Variants in PFDN4 observed in about 807,000 individuals in gnomAD.
PFDN4 encodes the protein prefoldin 4.
Under a neutral mutation model 17.6 loss-of-function variants are expected in PFDN4, and 6 were observed. The observed-to-expected ratio is 0.34, with a 90% CI of 0.19 to 0.67. The LOEUF (loss-of-function observed/expected upper bound fraction) is 0.67, where lower values mean the gene tolerates loss of function less well. PFDN4 is among the 30% of genes least tolerant of loss of function. PFDN4 has a pLI of 0.68. For synonymous variants in PFDN4, 48 were observed against 51.1 expected (o/e 0.94, Z 0.26); for missense variants, 119 against 158.4 (o/e 0.75, Z 1.33).
intron 1 of PFDN4, among the ~76,000 whole-genome samples, chr20:54,213,034 C>T (rs1339102316): frequency 2.0e-5 from 3 of 152,204 alleles, no homozygotes; most frequent in Admixed American, 2.0e-4. Context: ...TATATTCCGA[C>T]CACTGAGCTC....
intron 1 of PFDN4, among the ~76,000 whole-genome samples, chr20:54,212,265 A>G (rs569899534): frequency 5.3e-5 from 8 of 152,252 alleles, no homozygotes; most frequent in Non-Finnish European, 1.2e-4. Flanking sequence ...GTTCTAGGAC[A>G]GTGAGACTAA....
chr20:54,217,911 C>A (rs967583234), intron 3 of PFDN4, among the ~76,000 whole-genome samples: 1 of 152,104 alleles, frequency 6.6e-6, no homozygotes. Context: ...CTGGGCCCGA[C>A]CCAAAGACGA....
At chr20:54,212,450 T>G (rs574502572) in intron 1 of PFDN4, among the ~76,000 whole-genome samples, 8 of 152,324 alleles carry the variant, frequency 5.3e-5, no homozygotes, top group Admixed American at 4.6e-4. Flanking sequence ...TGCTGATGCC[T>G]GTGGTTTGGT....
Position 54,219,220 on chromosome 20 carries a change from T to C in PFDN4, c.*70T>C. 1 of 990,624 alleles carries C rather than the reference T, an allele frequency of 1.0e-6. No individual in the cohort carries two copies. The highest frequency in any genetic ancestry group is 1.4e-6 in the Non-Finnish European group (1 of 708,568). 61.4% of individuals were successfully genotyped at this position (990,624 alleles called of 1,614,324 possible). On this transcript the variant is annotated 3_prime_UTR_variant, in exon 4 of 4. Coordinates refer to ENST00000371419, the MANE Select transcript of PFDN4 (RefSeq NM_002623.4). ...TGTTTAAAATGATAATTTTCCTTCT[T>C]CAAATGACATGGAAAGCAAAACTTT...
intron 1 of PFDN4, among the ~76,000 whole-genome samples, 187 bp from the exon 2 acceptor site, chr20:54,214,164 G>C (rs2092759580): frequency 6.6e-6 from 1 of 152,162 alleles, no homozygotes; most frequent in Admixed American, 6.5e-5. Flanking sequence ...ATCAGAAAAG[G>C]TTATAGATTT....
At position 54,219,358 on chromosome 20, in the gene PFDN4, G is replaced by A. The variant is rs554914707; in HGVS notation, c.*208G>A. The A allele has an allele frequency of 3.4e-5, 14 of 415,122 alleles. No individual in the cohort carries two copies. The highest frequency in any genetic ancestry group is 2.7e-4 in the African/African-American group (13 of 48,468). The allele number at this position is 415,122 out of a possible 1,614,324, so 25.7% of individuals were successfully genotyped here. On this transcript the variant is annotated 3_prime_UTR_variant, in exon 4 of 4. Coordinates refer to ENST00000371419, the MANE Select transcript of PFDN4 (RefSeq NM_002623.4). ...TATTCACCTATGTATTTTGCATAAC[G>A]ATTATATCAAGTCTAGGGGCTTCAT... is the stretch of plus-strand genomic sequence containing the variant.
rs750207135 is a variant in PFDN4 at position 54,208,131 on chromosome 20, G to T, written c.24+7G>T. ...GGCCACCATGAAGAAGGCGGTGAGT[G>T]GGGAGCTCGGGGCTCTGGATGCTCG... On this transcript the variant is annotated splice_region_variant and intron_variant, in intron 1 of 3. Transcript: ENST00000371419. 6.4e-6 allele frequency: 10 copies of T among 1,553,410 alleles called. No individual in the cohort carries two copies. The highest frequency in any genetic ancestry group is 5.5e-5 in the African/African-American group (4 of 72,408).
intron 1 of PFDN4, among the ~76,000 whole-genome samples, chr20:54,213,846 T>C (rs761115087): frequency 2.6e-5 from 4 of 152,104 alleles, no homozygotes; most frequent in Non-Finnish European, 5.9e-5. Context: ...TTTAAACAGG[T>C]CCTACATTAT....
chr20:54,208,181 G>A, intron 1 of PFDN4, 57 bp downstream of exon 1: 4 of 1,467,624 alleles, frequency 2.7e-6, no homozygotes, highest in Non-Finnish European at 3.6e-6. Context: ...TCGGCCGCTG[G>A]GGCCCGGGCG....
rs2146544862 is a variant in PFDN4, at chr20:54,219,689, G to T, written c.*539G>T. The T allele has an allele frequency of 2.5e-6, 1 of 398,000 alleles. No individual in the cohort carries two copies. Among genetic ancestry groups the T allele is most frequent in the South Asian group, 1.3e-4 (1 of 7,844 alleles). 24.7% of individuals were successfully genotyped at this position (398,000 alleles called of 1,614,324 possible). ...ATTTTTTACATATCTATCAATATCA[G>T]AGATTTGGGTAAAAGAATGGGTAAT... On this transcript the variant is annotated 3_prime_UTR_variant, in exon 4 of 4. Transcript: ENST00000371419.
intron 1 of PFDN4, chr20:54,208,403 G>A (rs555526037): frequency 2.2e-5 from 9 of 411,154 alleles, no homozygotes; most frequent in East Asian, 1.2e-4. Flanking sequence ...GGTGCCCCCG[G>A]GGAGTCTGAG....
intron 1 of PFDN4, among the ~76,000 whole-genome samples, chr20:54,210,545 T>C (rs567252373): frequency 1.3e-5 from 2 of 152,358 alleles, no homozygotes; most frequent in East Asian, 3.9e-4. Flanking sequence ...TTAGATGAGA[T>C]GATTCAGTCC....
chr20:54,212,215 C>T (rs1435807748), intron 1 of PFDN4, among the ~76,000 whole-genome samples: 1 of 151,910 alleles, frequency 6.6e-6, no homozygotes, highest in African/African-American at 2.4e-5. Context: ...AAAAAATTAC[C>T]CACTTCTTGC....
intron 3 of PFDN4, 97 bp from the exon 4 acceptor site, chr20:54,218,922 G>A (rs773776403): frequency 7.8e-6 from 6 of 766,136 alleles, no homozygotes; most frequent in Non-Finnish European, 1.2e-5. Flanking sequence ...AGTTTAGAAG[G>A]TTCTTGACCT....
rs1156492251 is a variant in PFDN4 at position 54,215,366 on chromosome 20, A to G, written c.199A>G (p.Ile67Val). 1 of 1,605,756 alleles carries G rather than the reference A, an allele frequency of 6.2e-7. No homozygotes were observed. The highest frequency in any genetic ancestry group is 8.5e-7 in the Non-Finnish European group (1 of 1,174,130). The change falls in exon 3 of 4, where the codon ATA becomes GTA. Residue 67 changes from isoleucine to valine, a missense_variant. Physicochemically the swap from Ile to Val is conservative, Grantham distance 29. Transcript: ENST00000371419. ...GCTTGCAGATGATGATTGCTTAATG[A>G]TACCTTATCAAATTGGTGATGTCTT... ...IMLADDDCLM[I>V]PYQIGDVFIS...
chr20:54,208,151 T>G, intron 1 of PFDN4, 27 bp downstream of exon 1: 1 of 1,532,664 alleles, frequency 6.5e-7, no homozygotes, highest in Non-Finnish European at 8.8e-7. Flanking sequence ...GGGCTCTGGA[T>G]GCTCGGGCGG....
At chr20:54,215,820 G>T (rs891077025) in intron 3 of PFDN4, among the ~76,000 whole-genome samples, 1 of 152,196 alleles carries the variant, frequency 6.6e-6, no homozygotes, top group Non-Finnish European at 1.5e-5. Flanking sequence ...ACATTTTCCT[G>T]TATTTCTTTT....
At chr20:54,212,508 G>A (rs2092757336) in intron 1 of PFDN4, among the ~76,000 whole-genome samples, 1 of 152,192 alleles carries the variant, frequency 6.6e-6, no homozygotes, top group South Asian at 2.1e-4. Context: ...AAAGCAGATA[G>A]CCAAATTCTC....
intron 1 of PFDN4, among the ~76,000 whole-genome samples, chr20:54,209,555 T>C (rs750855761): frequency 1.3e-5 from 2 of 152,180 alleles, no homozygotes; most frequent in Non-Finnish European, 2.9e-5. Context: ...TATGAAACTT[T>C]GTGAGATTCA....
Sources: allele counts gnomAD v4.1 joint callset (sites outside exome capture counted in the v4.1 genomes callset), GRCh38; gene constraint gnomAD v4.1.1; transcripts MANE v1.5; gene names NCBI Gene and HGNC (gene_info 2026-07-23, HGNC 2026-07-21).